CREB5: variants seen among roughly 807,000 people sequenced by gnomAD.
The protein encoded by CREB5 is cyclic AMP-responsive element-binding protein 5.
In CREB5, 19 loss-of-function variants were observed where a neutral mutation model predicts 57.1. The ratio of observed to expected loss-of-function variants is 0.33; its 90% confidence interval spans 0.23 to 0.49. CREB5 has a LOEUF of 0.49. Among genes scored for constraint, CREB5 ranks in the 20% least tolerant of loss-of-function variants. The probability of loss-of-function intolerance (pLI) is 0.99; values close to 1 mark genes in which losing one functional copy is unlikely to be tolerated. For missense variants in CREB5, 579 were observed against 671.6 expected (o/e 0.86, Z 1.52); for synonymous variants, 238 against 238.3 (o/e 1.00, Z 0.01).
rs114404635 is a variant in CREB5 at position 28,300,538 on chromosome 7, A to C, written c.-25+1097A>C. Among the ~76,000 whole-genome samples, 527 of 152,330 alleles carry C rather than the reference A, an allele frequency of 3.5e-3. 2 individuals are homozygous for C. The highest frequency in any genetic ancestry group is 0.011 in the African/African-American group (466 of 41,576). On this transcript the variant is annotated intron_variant, in intron 1 of 9. Coordinates refer to the CREB5 transcript ENST00000396299. ...GTGGGGACAAAGGTGCATTCAAAACAGCCCATGCTTTTGAGGAGTTTTCAT... is the reference window on the plus strand; with the variant it reads ...GTGGGGACAAAGGTGCATTCAAAACCGCCCATGCTTTTGAGGAGTTTTCAT...
intron 1 of CREB5, among the ~76,000 whole-genome samples, chr7:28,431,351 A>G (rs1350624597): frequency 6.6e-6 from 1 of 152,220 alleles, no homozygotes. Flanking sequence ...TATGGCATTC[A>G]TAATGTCACA....
At chr7:28,580,569 G>GTGTA (rs2128656382) in intron 5 of CREB5, among the ~76,000 whole-genome samples, 1 of 142,830 alleles carries the variant, frequency 7.0e-6, no homozygotes, top group South Asian at 2.3e-4. Flanking sequence ...GTGTGTGTGT[G>GTGTA]TGTGTGTGTG....
At chr7:28,443,345 C>T (rs1361031477) in intron 1 of CREB5, among the ~76,000 whole-genome samples, 2 of 152,202 alleles carry the variant, frequency 1.3e-5, no homozygotes, top group Admixed American at 6.5e-5. Flanking sequence ...GGGAAGCAGC[C>T]TTGCCTGACC....
chr7:28,372,889 G>A (rs1326219913), intron 1 of CREB5, among the ~76,000 whole-genome samples: 1 of 152,190 alleles, frequency 6.6e-6, no homozygotes, highest in East Asian at 1.9e-4. Flanking sequence ...CTGCCTAGCA[G>A]AACTTGGGCT....
chr7:28,403,606 A>G (rs941421460), intron 1 of CREB5, among the ~76,000 whole-genome samples: 4 of 152,158 alleles, frequency 2.6e-5, no homozygotes, highest in African/African-American at 9.7e-5. Context: ...CACACCTAGT[A>G]AGTGACAAGG....
At chr7:28,347,558 T>C (rs1473097273) in intron 1 of CREB5, among the ~76,000 whole-genome samples, 1 of 152,230 alleles carries the variant, frequency 6.6e-6, no homozygotes, top group African/African-American at 2.4e-5. Context: ...TGGCAAATTA[T>C]GAAATTTTTC....
chr7:28,568,736 C>T (rs1267172536), intron 4 of CREB5, among the ~76,000 whole-genome samples: 1 of 152,142 alleles, frequency 6.6e-6, no homozygotes, highest in African/African-American at 2.4e-5. Context: ...GCCCAGTTTC[C>T]ATCTGGACTC....
chr7:28,409,876 G>A (rs765226419), upstream of CREB5: 25 of 455,116 alleles, frequency 5.5e-5, no homozygotes, highest in Middle Eastern at 3.2e-4. The surrounding 1 kb of genome is among the most constrained non-coding windows in gnomAD (Gnocchi z 4.4). Flanking sequence ...TATGAATCGG[G>A]GGTGTGTGTT....
At chr7:28,329,452 G>T (rs1413827374) in intron 1 of CREB5, among the ~76,000 whole-genome samples, 1 of 152,208 alleles carries the variant, frequency 6.6e-6, no homozygotes, top group Non-Finnish European at 1.5e-5. Flanking sequence ...AGCCTCTCAG[G>T]CTGGCTCAGT....
chr7:28,425,952 AG>A (rs1342519166), intron 1 of CREB5, among the ~76,000 whole-genome samples: 1 of 152,184 alleles, frequency 6.6e-6, no homozygotes, highest in African/African-American at 2.4e-5. Flanking sequence ...CATTTCAGTG[AG>A]GGCCACCACT....
intron 5 of CREB5, among the ~76,000 whole-genome samples, chr7:28,593,680 G>T (rs1796602258): frequency 6.6e-6 from 1 of 152,192 alleles, no homozygotes; most frequent in Non-Finnish European, 1.5e-5. Flanking sequence ...ATTTCCACAT[G>T]ATCCTAGTCA....
At chr7:28,764,769 C>A (rs1805871124) in intron 7 of CREB5, among the ~76,000 whole-genome samples, 1 of 152,112 alleles carries the variant, frequency 6.6e-6, no homozygotes, top group African/African-American at 2.4e-5. Flanking sequence ...GGATTTAATT[C>A]TTTTCACTAG....
At chr7:28,618,730 C>T (rs1367472266) in intron 5 of CREB5, among the ~76,000 whole-genome samples, 3 of 152,212 alleles carry the variant, frequency 2.0e-5, no homozygotes, top group Non-Finnish European at 4.4e-5. Flanking sequence ...AACACCCACC[C>T]CTGGCTAGAC....
intron 2 of CREB5, among the ~76,000 whole-genome samples, chr7:28,492,181 G>A (rs1476325471): frequency 6.6e-6 from 1 of 152,162 alleles, no homozygotes; most frequent in Non-Finnish European, 1.5e-5. Context: ...TTTATTTTTA[G>A]TAGAAATGGG....
intron 1 of CREB5, among the ~76,000 whole-genome samples, chr7:28,307,700 C>A (rs925250856): frequency 2.6e-5 from 4 of 152,208 alleles, no homozygotes; most frequent in African/African-American, 9.6e-5. Context: ...TTATTAAATT[C>A]TTGCAAACAT....
Position 28,737,509 on chromosome 7 carries a change from G to C in CREB5, c.702+13177G>C, listed in dbSNP as rs577427242. On this transcript the variant is annotated intron_variant, in intron 7 of 10. Transcript: ENST00000357727. ...TTTCTCTCTCTCTCTCTCTCTCTGT[G>C]TGTGTGTGTGTATATATGTATATAT... Among the ~76,000 whole-genome samples the C allele has an allele frequency of 3.9e-3, 473 of 122,724 alleles. 5 individuals carry two copies. Among genetic ancestry groups the C allele is most frequent in the African/African-American group, 0.015 (423 of 27,614 alleles). The allele number at this position is 122,724 out of a possible 152,430, so 80.5% of individuals were successfully genotyped here.
At chr7:28,537,166 T>G (rs972457372) in intron 4 of CREB5, among the ~76,000 whole-genome samples, 2 of 152,228 alleles carry the variant, frequency 1.3e-5, no homozygotes, top group African/African-American at 4.8e-5. Context: ...TCCAGTCAGA[T>G]TTTTTCTAAT....
chr7:28,463,260 G>A (rs1790426208), intron 1 of CREB5, among the ~76,000 whole-genome samples: 4 of 151,986 alleles, frequency 2.6e-5, no homozygotes, highest in Admixed American at 2.6e-4. Flanking sequence ...GGTTACTTAT[G>A]GACTCTCAGT....
Position 28,804,268 on chromosome 7 carries a change from A to G in CREB5, c.772A>G (p.Met258Val), listed in dbSNP as rs746404961. 1.3e-5 allele frequency: 21 copies of G among 1,614,080 alleles called. No homozygotes were observed. The highest frequency in any genetic ancestry group is 2.2e-5 in the South Asian group (2 of 91,076). The change falls in exon 8 of 11, where the codon ATG becomes GTG. Residue 258 changes from methionine (M) to valine (V), a missense_variant. Transcript: ENST00000357727. The part of the protein sequence containing the change: ...SNGNMNTMGH[M>V]MEMMGSRQDQ... Reference sequence around the variant, plus strand: ...TGGGAACATGAACACCATGGGACACATGATGGAGATGATGGGCTCCCGGCA... The same window carrying G: ...TGGGAACATGAACACCATGGGACACGTGATGGAGATGATGGGCTCCCGGCA...
Sources: gnomAD v4.1 joint callset for allele counts (sites outside exome capture counted in the v4.1 genomes callset) on GRCh38, gnomAD v4.1.1 for gene constraint, Gnocchi (gnomAD v3.1) non-coding constraint, MANE v1.5 for transcripts, NCBI Gene and HGNC (gene_info 2026-07-23, HGNC 2026-07-21) for gene names.